Variants in ANKRD30B observed in about 807,000 individuals in gnomAD.
ANKRD30B encodes the protein ankyrin repeat domain 30B.
Under a neutral mutation model 202.2 loss-of-function variants are expected in ANKRD30B, and 144 were observed. The ratio of observed to expected loss-of-function variants is 0.71; its 90% CI spans 0.62 to 0.82. ANKRD30B has a LOEUF of 0.82. Ranked by LOEUF, ANKRD30B falls within the 40% of genes least tolerant of loss-of-function variation. The pLI is 0.00. For missense variants in ANKRD30B, 1,487 were observed against 1,669.1 expected (o/e 0.89, Z 1.90); for synonymous variants, 508 against 561.3 (o/e 0.91, Z 1.34).
At chr18:14,790,972 G>A (rs961384004) in intron 15 of ANKRD30B, among the ~76,000 whole-genome samples, 3 of 152,168 alleles carry the variant, frequency 2.0e-5, no homozygotes, top group African/African-American at 7.2e-5. Context: ...AATGGTACCA[G>A]TTCCTCCTTA....
the ANKRD30B span, among the ~76,000 whole-genome samples, chr18:14,903,328 C>T: frequency 6.6e-6 from 1 of 152,108 alleles, no homozygotes; most frequent in Non-Finnish European, 1.5e-5. Flanking sequence ...TCCAATGGGG[C>T]CCAGATACTT....
chr18:14,828,311 A>G lies in ANKRD30B; in HGVS notation c.2774+3A>G. On this transcript the variant is annotated splice_donor_region_variant and intron_variant, in intron 33 of 43. Transcript: ENST00000690538. Reference sequence around the variant, plus strand: ...AGTTCTGTAGAGTCCACATTCAGGTAAGACTTTGCGGTTTTTTAAAACGTA... The same window carrying G: ...AGTTCTGTAGAGTCCACATTCAGGTGAGACTTTGCGGTTTTTTAAAACGTA... 1.3e-6 allele frequency: 2 copies of G among 1,532,980 alleles called. No homozygotes were observed. Among genetic ancestry groups the G allele is most frequent in the Non-Finnish European group, 1.8e-6 (2 of 1,139,648 alleles). 95.0% of individuals were successfully genotyped at this position (1,532,980 alleles called of 1,614,324 possible). A position where few individuals can be genotyped will look rare whatever the true frequency, so the allele number is the denominator to read the frequency against.
intron 4 of ANKRD30B, among the ~76,000 whole-genome samples, chr18:14,755,711 T>C (rs1914234653): frequency 6.6e-6 from 1 of 152,218 alleles, no homozygotes; most frequent in South Asian, 2.1e-4. Context: ...GCTTCATCCA[T>C]GTTCCTACAA....
At chr18:14,871,065 A>C in the ANKRD30B span, among the ~76,000 whole-genome samples, 3 of 46,664 alleles carry the variant, frequency 6.4e-5, no homozygotes, top group African/African-American at 9.9e-5. Context: ...CCACCCACAC[A>C]CCCCCACCCA....
At chr18:14,933,837 T>C in the ANKRD30B span, among the ~76,000 whole-genome samples, 1 of 152,150 alleles carries the variant, frequency 6.6e-6, no homozygotes, top group Non-Finnish European at 1.5e-5. Context: ...TGGTGAAACA[T>C]AAAATGAACT....
intron 6 of ANKRD30B, 127 bp downstream of exon 6, chr18:14,760,745 G>GGTGT: frequency 1.6e-6 from 1 of 611,662 alleles, no homozygotes; most frequent in Non-Finnish European, 2.9e-6. Flanking sequence ...CATATATGTG[G>GGTGT]GTGTGTGTGT....
chr18:14,838,576 T>C (rs1971279364), intron 36 of ANKRD30B, among the ~76,000 whole-genome samples: 1 of 152,174 alleles, frequency 6.6e-6, no homozygotes, highest in South Asian at 2.1e-4. Context: ...TGCAGCCACA[T>C]AGGTATCAAA....
chr18:14,783,775 A>G (rs1386863593), intron 12 of ANKRD30B, among the ~76,000 whole-genome samples: 4 of 152,054 alleles, frequency 2.6e-5, no homozygotes, highest in Non-Finnish European at 4.4e-5. Context: ...AAGCATTCAG[A>G]TGGATAAACT....
intron 7 of ANKRD30B, among the ~76,000 whole-genome samples, chr18:14,767,581 TG>T (rs1285053824): frequency 6.6e-6 from 1 of 152,138 alleles, no homozygotes; most frequent in Non-Finnish European, 1.5e-5. Context: ...AGTTGTCATG[TG>T]GTGTTAGGCT....
At chr18:14,870,407 A>T in the ANKRD30B span, among the ~76,000 whole-genome samples, 2 of 152,258 alleles carry the variant, frequency 1.3e-5, no homozygotes, top group Non-Finnish European at 2.9e-5. Flanking sequence ...TCACCTGCCC[A>T]CAGGCACCCC....
At chr18:14,872,112 C>T in the ANKRD30B span, among the ~76,000 whole-genome samples, 50,248 of 151,798 alleles carry the variant, frequency 0.33, 8,719 homozygotes, top group Non-Finnish European at 0.38. Context: ...AGAACCAGAG[C>T]CCTAGGCTCA....
chr18:14,807,490 G>C (rs546978100), intron 24 of ANKRD30B, among the ~76,000 whole-genome samples: 1 of 148,124 alleles, frequency 6.8e-6, no homozygotes, highest in African/African-American at 2.5e-5. Flanking sequence ...TATGTAAAAA[G>C]TCTCTGGAAA....
chr18:14,752,459 T>C, intron 1 of ANKRD30B, 107 bp from the exon 2 acceptor site: 1 of 752,804 alleles, frequency 1.3e-6, no homozygotes, highest in Non-Finnish European at 2.1e-6. Context: ...ATATTTGTTT[T>C]GAAGGTAGAG....
the ANKRD30B span, among the ~76,000 whole-genome samples, chr18:14,862,956 C>T: frequency 2.0e-5 from 3 of 152,198 alleles, no homozygotes; most frequent in Non-Finnish European, 4.4e-5. Flanking sequence ...CCAACTTCGC[C>T]ATTTGGGAAT....
rs146455009 is a variant in ANKRD30B, at chr18:14,769,257, C to T, written c.1226-86C>T. ...AAGTAGCTGGGATTACAGGCATTTGCCATCGTGCCCTCTTACGTTGTTAAT... is the reference window on the plus strand; with the variant it reads ...AAGTAGCTGGGATTACAGGCATTTGTCATCGTGCCCTCTTACGTTGTTAAT... On this transcript the variant is annotated intron_variant, in intron 7 of 43. Transcript: ENST00000690538. The T allele has an allele frequency of 4.7e-5, 49 of 1,039,330 alleles. No individual in the cohort carries two copies. In the East Asian group the frequency reaches 1.3e-3, roughly 29 times the overall value. The allele number at this position is 1,039,330 out of a possible 1,614,324, so 64.4% of individuals were successfully genotyped here.
At chr18:14,799,329 T>A (rs770177076) in intron 22 of ANKRD30B, 34 bp downstream of exon 22, 2 of 1,474,690 alleles carry the variant, frequency 1.4e-6, no homozygotes, top group African/African-American at 2.9e-5. Flanking sequence ...ACTCTGGAAT[T>A]AAGAATATTA....
chr18:14,781,283 G>GTATCCTTTATATGACT (rs1967721070), intron 11 of ANKRD30B, among the ~76,000 whole-genome samples: 1 of 132,308 alleles, frequency 7.6e-6, no homozygotes, highest in African/African-American at 2.8e-5. Flanking sequence ...AATGTTCTGA[G>GTATCCTTTATATGACT]TATTCTTTTT....
chr18:14,937,622 G>C, the ANKRD30B span, among the ~76,000 whole-genome samples: 9 of 151,674 alleles, frequency 5.9e-5, no homozygotes, highest in Non-Finnish European at 1.2e-4. Flanking sequence ...CAGGTTCCTC[G>C]AGCTTAATAA....
chr18:14,882,233 T>C, the ANKRD30B span, among the ~76,000 whole-genome samples: 2 of 152,350 alleles, frequency 1.3e-5, no homozygotes, highest in South Asian at 4.1e-4. Context: ...TCAGACTTTT[T>C]GACATCAGTG....
Sources: gnomAD v4.1 joint callset for allele counts (sites outside exome capture counted in the v4.1 genomes callset) on GRCh38, gnomAD v4.1.1 for gene constraint, MANE v1.5 for transcripts, NCBI Gene and HGNC (gene_info 2026-07-23, HGNC 2026-07-21) for gene names.